WDR25: variants seen among roughly 807,000 people sequenced by gnomAD.
The protein encoded by WDR25 is WD repeat-containing protein 25.
Under a neutral mutation model 47.7 loss-of-function variants are expected in WDR25, and 35 were observed. The observed-to-expected ratio is 0.73, with a 90% CI of 0.56 to 0.97. WDR25 has a LOEUF of 0.97. Among genes scored for constraint, WDR25 ranks in the 50% least tolerant of loss-of-function variants. The pLI, the probability that WDR25 is intolerant of heterozygous loss-of-function variation, is 0.00. For missense variants in WDR25, 634 were observed against 704.7 expected, an observed-to-expected ratio of 0.90 and a Z score of 1.14; for synonymous variants, 248 against 278.9, an observed-to-expected ratio of 0.89 and a Z score of 1.10.
chr14:100,521,753 G>T (rs2029881808), intron 4 of WDR25, among the ~76,000 whole-genome samples: 1 of 152,194 alleles, frequency 6.6e-6, no homozygotes, highest in Non-Finnish European at 1.5e-5. Context: ...TTTTGCCAGT[G>T]TAAGTTTAGG....
chr14:100,472,450 C>T (rs545803637), intron 3 of WDR25, among the ~76,000 whole-genome samples: 9 of 152,370 alleles, frequency 5.9e-5, no homozygotes, highest in Non-Finnish European at 1.2e-4. Context: ...TTGAAGGGAG[C>T]AGCTGTGATA....
At chr14:100,448,125 G>A (rs1309749785) in intron 2 of WDR25, among the ~76,000 whole-genome samples, 2 of 150,980 alleles carry the variant, frequency 1.3e-5, no homozygotes, top group Non-Finnish European at 2.9e-5. Flanking sequence ...AACCAGGGAG[G>A]TGGAGGTTGT....
At chr14:100,390,035 T>G (rs1897106063) in intron 2 of WDR25, among the ~76,000 whole-genome samples, 2 of 152,238 alleles carry the variant, frequency 1.3e-5, no homozygotes, top group Admixed American at 6.5e-5. Flanking sequence ...TTCTTCCACT[T>G]TATCTATCTT....
At chr14:100,472,694 G>C (rs1899883371) in intron 3 of WDR25, among the ~76,000 whole-genome samples, 1 of 152,232 alleles carries the variant, frequency 6.6e-6, no homozygotes, top group African/African-American at 2.4e-5. Flanking sequence ...GTGGGTCTTG[G>C]GGGCAGACTG....
chr14:100,388,840 C>T (rs982302310), intron 2 of WDR25, among the ~76,000 whole-genome samples: 6 of 152,156 alleles, frequency 3.9e-5, no homozygotes, highest in Non-Finnish European at 5.9e-5. Flanking sequence ...GCCTTGTGCT[C>T]GCCAGAAGCT....
Position 100,498,003 on chromosome 14 carries a change from A to G in WDR25, c.1101+13879A>G, listed in dbSNP as rs913653734. 1.2e-4 allele frequency among the ~76,000 whole-genome samples: 18 copies of G among 152,200 alleles called. No homozygotes were observed. Among genetic ancestry groups the G allele is most frequent in the African/African-American group, 3.4e-4 (14 of 41,446 alleles). ...CAGCAGTTCATTCACTGTTTCTTGA[A>G]TAAGTGATTGTGCCAACCTCCATGG... is the stretch of plus-strand genomic sequence containing the variant. On this transcript the variant is annotated intron_variant, in intron 4 of 6. Transcript: ENST00000402312. The surrounding 1 kb of genome is among the most constrained non-coding windows in gnomAD (Gnocchi z 4.2).
chr14:100,448,193 C>CAAA (rs111428141), intron 2 of WDR25, among the ~76,000 whole-genome samples: 28 of 110,150 alleles, frequency 2.5e-4, no homozygotes, highest in South Asian at 6.2e-4. Flanking sequence ...AACTCCGTCT[C>CAAA]AAAAAAAAAA....
At chr14:100,377,491 G>C (rs1417809929) in intron 1 of WDR25, among the ~76,000 whole-genome samples, 1 of 147,706 alleles carries the variant, frequency 6.8e-6, no homozygotes, top group African/African-American at 2.5e-5. Flanking sequence ...TGTATTTTTA[G>C]TAGAGACGGG....
intron 2 of WDR25, among the ~76,000 whole-genome samples, chr14:100,451,431 G>T (rs1899027659): frequency 6.6e-6 from 1 of 152,062 alleles, no homozygotes; most frequent in Non-Finnish European, 1.5e-5. Flanking sequence ...GTTGCCCCAG[G>T]CTGGTCTCGA....
rs1018306615 is a variant in WDR25 at position 100,428,105 on chromosome 14, C to G, written c.823-39916C>G. Among the ~76,000 whole-genome samples the G allele has an allele frequency of 1.3e-5, 2 of 152,232 alleles. No homozygotes were observed. Among genetic ancestry groups the G allele is most frequent in the African/African-American group, 4.8e-5 (2 of 41,468 alleles). ...CCTGCAGCAGGGCCTCATCACAGTT[C>G]CCCCTGGAGCATTCACGCAAGGTCA... On this transcript the variant is annotated intron_variant, in intron 2 of 6. Transcript: ENST00000402312. The surrounding 1 kb of genome is among the most constrained non-coding windows in gnomAD (Gnocchi z 4.3).
At chr14:100,388,594 G>C (rs540120726) in intron 2 of WDR25, among the ~76,000 whole-genome samples, 32 of 152,308 alleles carry the variant, frequency 2.1e-4, no homozygotes, top group Non-Finnish European at 3.2e-4. Flanking sequence ...TCTCTTCGTG[G>C]GAAGTGAAGT....
chr14:100,448,606 G>T (rs1898919000), intron 2 of WDR25, among the ~76,000 whole-genome samples: 1 of 152,148 alleles, frequency 6.6e-6, no homozygotes, highest in Non-Finnish European at 1.5e-5. Context: ...GAGGGTCACT[G>T]CCAGGACTCC....
intron 2 of WDR25, among the ~76,000 whole-genome samples, chr14:100,421,573 A>G (rs182542790): frequency 1.3e-5 from 2 of 152,304 alleles, no homozygotes; most frequent in Non-Finnish European, 2.9e-5. Context: ...TAGATGCACC[A>G]CCAGGTTTTA....
At position 100,378,936 on chromosome 14, in the gene WDR25, CG is replaced by C. The variant is rs1486678761; in HGVS notation, c.-15-1973del. Among the ~76,000 whole-genome samples the C allele has an allele frequency of 2.0e-5, 2 of 99,868 alleles. 1 individual carries two copies. The allele number at this position is 99,868 out of a possible 152,430, so 65.5% of individuals were successfully genotyped here. On this transcript the variant is annotated intron_variant, in intron 1 of 6. Coordinates refer to ENST00000402312, the MANE Select transcript of WDR25 (RefSeq NM_001161476.3). The stretch of plus-strand genomic sequence containing the variant: ...TCCCGCCACTGCACTCCAGCCTGGG[CG>C]ACAGAGCGAGACTCCGTCTCAAAAA...
At chr14:100,527,903 C>A (rs1391951462) in intron 5 of WDR25, among the ~76,000 whole-genome samples, 1 of 152,180 alleles carries the variant, frequency 6.6e-6, no homozygotes, top group Non-Finnish European at 1.5e-5. Flanking sequence ...ATAGTTAGAA[C>A]AATGTAAAGC....
At chr14:100,495,983 A>G (rs1900716834) in intron 4 of WDR25, among the ~76,000 whole-genome samples, 1 of 152,224 alleles carries the variant, frequency 6.6e-6, no homozygotes, top group Admixed American at 6.5e-5. Flanking sequence ...GCAAAGTCAT[A>G]TGGTTGGTAG....
chr14:100,386,457 A>C (rs1345919277), intron 2 of WDR25, among the ~76,000 whole-genome samples: 1 of 152,274 alleles, frequency 6.6e-6, no homozygotes, highest in East Asian at 1.9e-4. Context: ...ATATTTTTAT[A>C]ACTGTCTCAA....
At chr14:100,472,437 C>A (rs1371812538) in intron 3 of WDR25, among the ~76,000 whole-genome samples, 2 of 152,256 alleles carry the variant, frequency 1.3e-5, no homozygotes, top group Non-Finnish European at 2.9e-5. Context: ...GGTGCTGGGG[C>A]TGTTGAAGGG....
intron 2 of WDR25, among the ~76,000 whole-genome samples, chr14:100,417,470 C>T (rs557890402): frequency 6.6e-6 from 1 of 152,308 alleles, no homozygotes; most frequent in Non-Finnish European, 1.5e-5. Context: ...CCCCTTCCAA[C>T]CCCCACCATC....
Sources: allele counts gnomAD v4.1 joint callset (sites outside exome capture counted in the v4.1 genomes callset), GRCh38; gene constraint gnomAD v4.1.1; non-coding constraint Gnocchi (gnomAD v3.1); transcripts MANE v1.5; gene names NCBI Gene and HGNC (gene_info 2026-07-23, HGNC 2026-07-21).